Variants in TUSC3 observed in about 807,000 individuals in gnomAD.
TUSC3 encodes the protein dolichyl-diphosphooligosaccharide--protein glycosyltransferase subunit TUSC3.
TUSC3 carries 45 observed loss-of-function variants against 44.8 expected under a neutral mutation model. The observed-to-expected ratio is 1.00, with a 90% CI of 0.79 to 1.29. The LOEUF (loss-of-function observed/expected upper bound fraction) is 1.29. Ranked by LOEUF, TUSC3 falls within the 50% of genes most tolerant of loss-of-function variation. The probability of loss-of-function intolerance (pLI) is 0.00; values close to 1 mark genes in which losing one functional copy is unlikely to be tolerated. For synonymous variants in TUSC3, 212 were observed against 152.9 expected (o/e 1.39, Z -2.85); for missense variants, 519 against 437.9 (o/e 1.19, Z -1.65).
intron 1 of TUSC3, among the ~76,000 whole-genome samples, chr8:15,434,057 C>T (rs7814097): frequency 0.16 from 25,076 of 152,004 alleles, 2,135 homozygotes; most frequent in Middle Eastern, 0.22. Context: ...GTGACCTTTC[C>T]GTTTTGTAGT....
chr8:15,721,376 G>C (rs1369096421), intron 6 of TUSC3, among the ~76,000 whole-genome samples: 1 of 151,614 alleles, frequency 6.6e-6, no homozygotes, highest in Admixed American at 6.6e-5. Context: ...TTTTTGTTTT[G>C]CATTTTGGAT....
chr8:15,667,300 T>A (rs1807706783), intron 5 of TUSC3, among the ~76,000 whole-genome samples: 1 of 151,532 alleles, frequency 6.6e-6, no homozygotes, highest in Non-Finnish European at 1.5e-5. Flanking sequence ...ACTAAAGCAG[T>A]ATATAGATTG....
intron 6 of TUSC3, among the ~76,000 whole-genome samples, chr8:15,693,407 A>C (rs990585253): frequency 6.9e-6 from 1 of 145,126 alleles, no homozygotes; most frequent in Non-Finnish European, 1.5e-5. Flanking sequence ...ATGAAGCTGA[A>C]GTTGGCTGGA....
At chr8:15,530,241 G>A (rs1404805315) in intron 2 of TUSC3, among the ~76,000 whole-genome samples, 1 of 151,912 alleles carries the variant, frequency 6.6e-6, no homozygotes, top group Non-Finnish European at 1.5e-5. Context: ...TTCTCTAAAG[G>A]AAACACACTG....
At chr8:15,648,724 T>TA (rs1469639396) in intron 2 of TUSC3, among the ~76,000 whole-genome samples, 2 of 7,980 alleles carry the variant, frequency 2.5e-4, no homozygotes, top group Non-Finnish European at 2.0e-4. Flanking sequence ...AGACTCTGTG[T>TA]CAAAAAAAAA....
intron 6 of TUSC3, among the ~76,000 whole-genome samples, chr8:15,708,292 T>A (rs1051111824): frequency 1.6e-4 from 24 of 151,830 alleles, no homozygotes; most frequent in African/African-American, 5.3e-4. Context: ...ACTGAGAAAG[T>A]TGATTGGGAA....
At chr8:15,431,211 C>G (rs1053384899) in intron 1 of TUSC3, among the ~76,000 whole-genome samples, 2 of 151,324 alleles carry the variant, frequency 1.3e-5, no homozygotes, top group Admixed American at 6.6e-5. Context: ...TTTTCTATTT[C>G]TTTTTTTAAT....
intron 2 of TUSC3, among the ~76,000 whole-genome samples, chr8:15,504,799 C>T (rs748460419): frequency 4.0e-5 from 6 of 150,054 alleles, no homozygotes; most frequent in Non-Finnish European, 5.9e-5. Context: ...ACTACAGGTG[C>T]CTGCCACCAT....
intron 1 of TUSC3, among the ~76,000 whole-genome samples, chr8:15,563,368 G>C (rs948066000): frequency 3.3e-5 from 5 of 152,060 alleles, no homozygotes; most frequent in Non-Finnish European, 2.9e-5. Flanking sequence ...GTTGGAGATT[G>C]TGGTCTGAGG....
chr8:15,592,248 C>T (rs1803874658), intron 1 of TUSC3, among the ~76,000 whole-genome samples: 1 of 152,184 alleles, frequency 6.6e-6, no homozygotes, highest in South Asian at 2.1e-4. Flanking sequence ...TTTTCCTATT[C>T]ATTTAACAGT....
rs1800663920 is a variant in TUSC3, at chr8:15,481,728, A to G, written n.92-1658A>G. ...AATGTACATACCTTAATTTTAAAAC[A>G]CTTTATTACTAAAAAAAAATGCTAA... On this transcript the variant is annotated intron_variant and non_coding_transcript_variant, in intron 1 of 5. Transcript: ENST00000503191. 2.6e-5 allele frequency among the ~76,000 whole-genome samples: 4 copies of G among 152,198 alleles called. No homozygotes were observed. The South Asian group carries it at 8.3e-4, about 32-fold the overall frequency.
intron 1 of TUSC3, among the ~76,000 whole-genome samples, chr8:15,452,139 A>G (rs1404054602): frequency 2.0e-5 from 3 of 152,142 alleles, no homozygotes; most frequent in Non-Finnish European, 4.4e-5. Flanking sequence ...GTTAACCGTG[A>G]AGTTATTGAG....
chr8:15,459,655 T>C (rs541883566), intron 1 of TUSC3, among the ~76,000 whole-genome samples: 3 of 152,194 alleles, frequency 2.0e-5, no homozygotes, highest in Admixed American at 1.3e-4. Flanking sequence ...AAATCCATTG[T>C]ATCATTTTTA....
intron 3 of TUSC3, among the ~76,000 whole-genome samples, chr8:15,655,184 A>G (rs1183125869): frequency 1.3e-5 from 2 of 152,182 alleles, no homozygotes; most frequent in African/African-American, 4.8e-5. Flanking sequence ...GCTGGCTGCT[A>G]GGAAAGGCAG....
At chr8:15,427,040 C>G (rs1256052434) in intron 1 of TUSC3, among the ~76,000 whole-genome samples, 1 of 149,502 alleles carries the variant, frequency 6.7e-6, no homozygotes, top group African/African-American at 2.5e-5. Flanking sequence ...AAGTCTTTTA[C>G]CCATTTTTAA....
At chr8:15,595,355 G>A (rs1038806641) in intron 1 of TUSC3, among the ~76,000 whole-genome samples, 3 of 152,046 alleles carry the variant, frequency 2.0e-5, no homozygotes, top group African/African-American at 7.2e-5. Context: ...GATTCTAGGT[G>A]CCTTGGTTAC....
At chr8:15,793,956 T>A in the TUSC3 span, among the ~76,000 whole-genome samples, 1 of 152,030 alleles carries the variant, frequency 6.6e-6, no homozygotes, top group East Asian at 1.9e-4. Context: ...TAGAGCAAAG[T>A]GGGAAAAGAG....
At chr8:15,811,323 G>A in the TUSC3 span, among the ~76,000 whole-genome samples, 1 of 152,140 alleles carries the variant, frequency 6.6e-6, no homozygotes, top group Non-Finnish European at 1.5e-5. Context: ...TCCACATCAA[G>A]TGTCTATAAC....
intron 1 of TUSC3, among the ~76,000 whole-genome samples, chr8:15,547,065 A>G (rs958040919): frequency 5.9e-5 from 9 of 151,682 alleles, no homozygotes; most frequent in African/African-American, 2.2e-4. Flanking sequence ...TGGTATATTT[A>G]TTATTATTAA....
Sources: allele counts gnomAD v4.1 joint callset (sites outside exome capture counted in the v4.1 genomes callset), GRCh38; gene constraint gnomAD v4.1.1; transcripts MANE v1.5; gene names NCBI Gene and HGNC (gene_info 2026-07-23, HGNC 2026-07-21).